The following CCSER1 variants were observed in gnomAD, a reference collection of about 807,000 sequenced individuals.
CCSER1 encodes the protein coiled-coil serine rich protein 1.
A neutral mutation model predicts 82.0 loss-of-function variants in CCSER1; 41 were observed. The ratio of observed to expected loss-of-function variants is 0.50; its 90% CI spans 0.39 to 0.65. The LOEUF is 0.65. Among genes scored for constraint, CCSER1 ranks in the 30% least tolerant of loss-of-function variants. CCSER1 has a pLI of 0.00. For missense variants in CCSER1, 1,119 were observed against 1,064.2 expected, an observed-to-expected ratio of 1.05 and a Z score of -0.72; for synonymous variants, 414 against 383.9, an observed-to-expected ratio of 1.08 and a Z score of -0.92.
chr4:90,851,652 G>A (rs1174258258), intron 8 of CCSER1, among the ~76,000 whole-genome samples: 1 of 151,350 alleles, frequency 6.6e-6, no homozygotes, highest in South Asian at 2.1e-4. Flanking sequence ...TAAAGAAGAG[G>A]TGTACAGAAT....
At chr4:91,071,453 G>A (rs1441950034) in intron 9 of CCSER1, among the ~76,000 whole-genome samples, 7 of 152,098 alleles carry the variant, frequency 4.6e-5, no homozygotes, top group Admixed American at 4.6e-4. Context: ...GAGAGTTCCA[G>A]GCAGGATGAA....
intron 10 of CCSER1, among the ~76,000 whole-genome samples, chr4:91,158,542 G>T (rs1166747899): frequency 6.6e-6 from 1 of 151,810 alleles, no homozygotes; most frequent in Non-Finnish European, 1.5e-5. Flanking sequence ...ATAATTTTGT[G>T]GTTAGTTTAC....
At chr4:91,153,955 T>A (rs954054913) in intron 10 of CCSER1, among the ~76,000 whole-genome samples, 2 of 151,980 alleles carry the variant, frequency 1.3e-5, no homozygotes, top group Admixed American at 6.5e-5. Flanking sequence ...TACTCATGGG[T>A]CAGGGACCCA....
intron 10 of CCSER1, among the ~76,000 whole-genome samples, chr4:91,390,972 TA>T (rs1751609796): frequency 6.6e-6 from 1 of 152,114 alleles, no homozygotes; most frequent in Non-Finnish European, 1.5e-5. Flanking sequence ...CTTTTTTTCT[TA>T]GTTAGCTTAG....
chr4:90,487,541 A>G (rs1309687973), intron 5 of CCSER1, among the ~76,000 whole-genome samples: 2 of 152,218 alleles, frequency 1.3e-5, no homozygotes, highest in African/African-American at 4.8e-5. Flanking sequence ...CCCCTTATGC[A>G]TGGGTGCGTT....
intron 10 of CCSER1, among the ~76,000 whole-genome samples, chr4:91,420,335 A>G (rs927996190): frequency 1.3e-4 from 20 of 152,124 alleles, no homozygotes; most frequent in African/African-American, 4.8e-4. Context: ...CATCTAACTC[A>G]ATAGTGAAAA....
chr4:91,314,333 C>T (rs899075116), intron 10 of CCSER1, among the ~76,000 whole-genome samples: 1 of 151,982 alleles, frequency 6.6e-6, no homozygotes, highest in African/African-American at 2.4e-5. Context: ...CTTCCTCATA[C>T]TTTGCACTGT....
intron 9 of CCSER1, among the ~76,000 whole-genome samples, chr4:91,085,574 G>A (rs1723297724): frequency 6.6e-6 from 1 of 152,002 alleles, no homozygotes; most frequent in Admixed American, 6.6e-5. Context: ...GACTTTGTTT[G>A]GGCGCTGAGA....
intron 7 of CCSER1, among the ~76,000 whole-genome samples, chr4:90,731,689 G>A (rs918310236): frequency 2.6e-5 from 4 of 152,004 alleles, no homozygotes; most frequent in African/African-American, 9.7e-5. Context: ...TCTCTAATGG[G>A]AATAAATTTT....
At chr4:91,424,161 C>A (rs898410368) in intron 10 of CCSER1, among the ~76,000 whole-genome samples, 1 of 151,116 alleles carries the variant, frequency 6.6e-6, no homozygotes, top group Non-Finnish European at 1.5e-5. Flanking sequence ...GGACTACAGG[C>A]GCCCGCCACC....
intron 6 of CCSER1, among the ~76,000 whole-genome samples, chr4:90,699,917 C>T (rs1560969674): frequency 6.6e-6 from 1 of 151,740 alleles, no homozygotes; most frequent in African/African-American, 2.4e-5. Context: ...TAGCAGGCAC[C>T]GTCTATGAGC....
intron 10 of CCSER1, among the ~76,000 whole-genome samples, chr4:91,165,346 G>A (rs930221458): frequency 1.3e-5 from 2 of 152,182 alleles, no homozygotes; most frequent in African/African-American, 2.4e-5. Context: ...AGGGGTGCCT[G>A]CCTGTATCAG....
intron 9 of CCSER1, among the ~76,000 whole-genome samples, chr4:90,940,570 C>T (rs1004895280): frequency 2.0e-5 from 3 of 151,832 alleles, no homozygotes; most frequent in African/African-American, 2.4e-5. Context: ...TAGAAAAATG[C>T]GTGAGAACTG....
intron 10 of CCSER1, among the ~76,000 whole-genome samples, chr4:91,323,850 C>A (rs1247492538): frequency 2.0e-5 from 3 of 152,190 alleles, no homozygotes; most frequent in Non-Finnish European, 2.9e-5. Context: ...CTACTTGCCA[C>A]ACTAAAATCC....
chr4:91,312,303 A>C (rs1745543581), intron 10 of CCSER1, among the ~76,000 whole-genome samples: 1 of 151,842 alleles, frequency 6.6e-6, no homozygotes, highest in South Asian at 2.1e-4. Context: ...TAGGTATAAA[A>C]GAATATCAAG....
intron 10 of CCSER1, among the ~76,000 whole-genome samples, chr4:91,518,553 C>T (rs1027134130): frequency 3.9e-5 from 6 of 152,172 alleles, no homozygotes; most frequent in Non-Finnish European, 5.9e-5. Flanking sequence ...TGAGACTGTT[C>T]AGCCAGAGGG....
intron 6 of CCSER1, among the ~76,000 whole-genome samples, chr4:90,648,348 G>T (rs562844871): frequency 1.4e-3 from 156 of 115,014 alleles, no homozygotes; most frequent in Non-Finnish European, 2.7e-3. Context: ...AAAGAGAGTT[G>T]CCCTCAAGAA....
At chr4:90,957,333 C>T (rs1230495830) in intron 9 of CCSER1, among the ~76,000 whole-genome samples, 2 of 147,712 alleles carry the variant, frequency 1.4e-5, no homozygotes, top group Non-Finnish European at 3.0e-5. Context: ...AACTCTTGAC[C>T]TTGTGATCTG....
chr4:90,483,879 T>G (rs1449532975), intron 5 of CCSER1, among the ~76,000 whole-genome samples: 1 of 152,184 alleles, frequency 6.6e-6, no homozygotes, highest in African/African-American at 2.4e-5. Context: ...TGGAGTATCT[T>G]TGTGGCATTC....
Sources: gnomAD v4.1 joint callset for allele counts (sites outside exome capture counted in the v4.1 genomes callset) on GRCh38, gnomAD v4.1.1 for gene constraint, MANE v1.5 for transcripts, NCBI Gene and HGNC (gene_info 2026-07-23, HGNC 2026-07-21) for gene names.